CEP63: variants seen among roughly 807,000 people sequenced by gnomAD.
The protein encoded by CEP63 is centrosomal protein 63.
In CEP63, 84 loss-of-function variants were observed where a neutral mutation model predicts 89.1. That is an observed-to-expected ratio of 0.94 (90% CI 0.79 to 1.13). CEP63 has a LOEUF of 1.13. CEP63 is among the 50% of genes most tolerant of loss of function. The probability of loss-of-function intolerance (pLI) is 0.00; values close to 1 mark genes in which losing one functional copy is unlikely to be tolerated. For missense variants in CEP63, 838 were observed against 813.3 expected (o/e 1.03, Z -0.37); for synonymous variants, 267 against 272.5 (o/e 0.98, Z 0.20).
chr3:134,693,429 G>A, the CEP63 span, among the ~76,000 whole-genome samples: 1 of 144,270 alleles, frequency 6.9e-6, no homozygotes, highest in South Asian at 2.5e-4. Flanking sequence ...GTTATTTCCA[G>A]ATTTCTTCTG....
the CEP63 span, among the ~76,000 whole-genome samples, chr3:134,690,461 G>A: frequency 1.3e-5 from 2 of 152,166 alleles, no homozygotes; most frequent in African/African-American, 4.8e-5. Context: ...GCAATAGAGT[G>A]TTTATTCACA....
At chr3:134,663,857 C>T in the CEP63 span, among the ~76,000 whole-genome samples, 1 of 152,222 alleles carries the variant, frequency 6.6e-6, no homozygotes, top group Non-Finnish European at 1.5e-5. Flanking sequence ...CCATGTAATC[C>T]CTGCCAGGAA....
At chr3:134,665,019 A>G in the CEP63 span, among the ~76,000 whole-genome samples, 1 of 152,174 alleles carries the variant, frequency 6.6e-6, no homozygotes. Flanking sequence ...AGACACTCGC[A>G]TGCTCTGTAG....
the CEP63 span, among the ~76,000 whole-genome samples, chr3:134,713,855 A>C: frequency 6.6e-6 from 1 of 152,366 alleles, no homozygotes; most frequent in African/African-American, 2.4e-5. Context: ...GAAAGTAATC[A>C]TGGTAACTTC....
At chr3:134,749,555 T>C in the CEP63 span, among the ~76,000 whole-genome samples, 1 of 151,410 alleles carries the variant, frequency 6.6e-6, no homozygotes. Context: ...AATATAAAAA[T>C]CCAAGTGGAT....
At chr3:134,695,257 CAAG>C in the CEP63 span, among the ~76,000 whole-genome samples, 8 of 152,108 alleles carry the variant, frequency 5.3e-5, no homozygotes, top group Non-Finnish European at 8.8e-5. Context: ...ACCTGTCATC[CAAG>C]AAGAATATTG....
chr3:134,623,645 C>T, the CEP63 span, among the ~76,000 whole-genome samples: 2 of 151,964 alleles, frequency 1.3e-5, no homozygotes, highest in Middle Eastern at 3.4e-3. Flanking sequence ...TCCTCACTCC[C>T]CACTACTCAC....
At chr3:134,568,586 G>T (rs1957883219), downstream of CEP63, among the ~76,000 whole-genome samples, 1 of 152,140 alleles carries the variant, frequency 6.6e-6, no homozygotes, top group Admixed American at 6.5e-5. Flanking sequence ...TCTGGACCAT[G>T]GGCAAAGGAC....
At chr3:134,501,132 AAG>A (rs2108254728) in intron 2 of CEP63, among the ~76,000 whole-genome samples, 1 of 152,298 alleles carries the variant, frequency 6.6e-6, no homozygotes, top group East Asian at 1.9e-4. Context: ...AGCTTTGTTG[AAG>A]ATCAGTTCAT....
the CEP63 span, among the ~76,000 whole-genome samples, chr3:134,761,098 A>G: frequency 0.97 from 148,333 of 152,240 alleles, 72,374 homozygotes; most frequent in East Asian, 1. Context: ...TCAGCTTTGT[A>G]TCTGAGGAAG....
intron 10 of CEP63, among the ~76,000 whole-genome samples, chr3:134,582,999 A>G (rs1442356215): frequency 6.6e-6 from 1 of 152,164 alleles, no homozygotes; most frequent in African/African-American, 2.4e-5. Flanking sequence ...GTCTGTTCAT[A>G]TCCTTTGCCC....
chr3:134,575,945 A>G (rs532723873), downstream of CEP63, among the ~76,000 whole-genome samples: 16 of 152,322 alleles, frequency 1.1e-4, no homozygotes, highest in African/African-American at 3.1e-4. Flanking sequence ...CAAAGATTGT[A>G]TTAGAAGTTT....
In CEP63 at chr3:134,486,119, G is replaced by C. The variant is rs928094219; in HGVS notation, c.-109G>C. ...CATTGTTTCAATTATTAAAAGTGTG[G>C]GGGCAGTGGGCGGAACAAACGCGCC... On this transcript the variant is annotated 5_prime_UTR_variant, in exon 1 of 15. Coordinates refer to ENST00000675561, the MANE Select transcript of CEP63 (RefSeq NM_001353108.3). 2 of 985,448 alleles carry C rather than the reference G, an allele frequency of 2.0e-6. No homozygotes were observed. The highest frequency in any genetic ancestry group is 1.7e-5 in the African/African-American group (1 of 57,244). 61.0% of individuals were successfully genotyped at this position (985,448 alleles called of 1,614,324 possible). A position where few individuals can be genotyped will look rare whatever the true frequency, so the allele number is the denominator to read the frequency against.
the CEP63 span, among the ~76,000 whole-genome samples, chr3:134,667,834 C>A: frequency 1.3e-5 from 2 of 152,158 alleles, no homozygotes; most frequent in Non-Finnish European, 2.9e-5. Context: ...TGCTGGGGAT[C>A]ATCAACTGGG....
chr3:134,633,758 A>G, the CEP63 span, among the ~76,000 whole-genome samples: 2 of 152,170 alleles, frequency 1.3e-5, no homozygotes, highest in African/African-American at 2.4e-5. Context: ...ACCCTGTGTA[A>G]TAAGACAAGA....
At chr3:134,589,530 A>G (rs1958556480), downstream of CEP63, among the ~76,000 whole-genome samples, 1 of 152,070 alleles carries the variant, frequency 6.6e-6, no homozygotes, top group Non-Finnish European at 1.5e-5. Flanking sequence ...AGAATGACAG[A>G]GAAGAAAAAT....
chr3:134,497,032 C>A (rs541086580), intron 2 of CEP63, among the ~76,000 whole-genome samples: 15 of 152,168 alleles, frequency 9.9e-5, no homozygotes, highest in African/African-American at 3.4e-4. Context: ...GTGGTGTCGA[C>A]CATTTTTTCA....
At chr3:134,573,686 ATGCCTC>A (rs1280722146) in intron 11 of CEP63, among the ~76,000 whole-genome samples, 1 of 152,184 alleles carries the variant, frequency 6.6e-6, no homozygotes, top group Admixed American at 6.5e-5. Context: ...GGATAGTGTG[ATGCCTC>A]TGGCTTTGTT....
the CEP63 span, among the ~76,000 whole-genome samples, chr3:134,692,712 C>G: frequency 6.6e-6 from 1 of 152,220 alleles, no homozygotes; most frequent in Non-Finnish European, 1.5e-5. Context: ...GATATCTAGT[C>G]TCAAAAGACC....
Sources: gnomAD v4.1 joint callset for allele counts (sites outside exome capture counted in the v4.1 genomes callset) on GRCh38, gnomAD v4.1.1 for gene constraint, MANE v1.5 for transcripts, NCBI Gene and HGNC (gene_info 2026-07-23, HGNC 2026-07-21) for gene names.